Variants in SOX5 observed in about 807,000 individuals in gnomAD.
The protein encoded by SOX5 is SRY-box transcription factor 5, also known as transcription factor SOX-5.
A neutral mutation model predicts 92.0 loss-of-function variants in SOX5; 9 were observed. The observed-to-expected ratio is 0.10, with a 90% CI of 0.06 to 0.17. The LOEUF is 0.17. SOX5 is among the 10% of genes least tolerant of loss of function. The probability of loss-of-function intolerance (pLI) is 1.00; values close to 1 mark genes in which losing one functional copy is unlikely to be tolerated. For synonymous variants in SOX5, 344 were observed against 336.3 expected (o/e 1.02, Z -0.25); for missense variants, 642 against 944.5 (o/e 0.68, Z 4.20).
At chr12:24,205,182 G>C (rs1426966426) in intron 4 of SOX5, among the ~76,000 whole-genome samples, 1 of 152,128 alleles carries the variant, frequency 6.6e-6, no homozygotes, top group Non-Finnish European at 1.5e-5. Flanking sequence ...CAGTACTTAA[G>C]TTATCTGCTT....
intron 3 of SOX5, among the ~76,000 whole-genome samples, chr12:23,829,959 A>G (rs2096288621): frequency 6.6e-6 from 1 of 152,158 alleles, no homozygotes. Context: ...CAGCTCCAGG[A>G]CCTGCTATAT....
At chr12:24,343,030 T>G (rs1458673556) in intron 2 of SOX5, among the ~76,000 whole-genome samples, 2 of 152,116 alleles carry the variant, frequency 1.3e-5, no homozygotes, top group Non-Finnish European at 2.9e-5. Flanking sequence ...TTTAAACTAG[T>G]AGTAACTCCT....
At chr12:24,453,612 A>C (rs1942627630) in intron 1 of SOX5, among the ~76,000 whole-genome samples, 1 of 152,192 alleles carries the variant, frequency 6.6e-6, no homozygotes, top group African/African-American at 2.4e-5. Flanking sequence ...TAATTTCTCT[A>C]ACAGAAATGA....
chr12:24,452,816 T>G (rs1942507142), intron 1 of SOX5, among the ~76,000 whole-genome samples: 1 of 152,204 alleles, frequency 6.6e-6, no homozygotes, highest in African/African-American at 2.4e-5. Flanking sequence ...TTCTTTCTTT[T>G]GTTTTCAAAT....
At chr12:24,225,057 T>C (rs1961574069) in intron 3 of SOX5, among the ~76,000 whole-genome samples, 1 of 152,234 alleles carries the variant, frequency 6.6e-6, no homozygotes, top group African/African-American at 2.4e-5. Context: ...AAGAAATTAC[T>C]TAAGTGCTAG....
chr12:23,772,957 C>A (rs760151854), intron 3 of SOX5, among the ~76,000 whole-genome samples: 89 of 152,100 alleles, frequency 5.9e-4, no homozygotes, highest in Non-Finnish European at 1.3e-4. Flanking sequence ...TCGGTATCTG[C>A]AAGCATTTCC....
chr12:23,973,160 C>CTTTTTTT (rs60609193), intron 4 of SOX5, among the ~76,000 whole-genome samples: 10 of 111,980 alleles, frequency 8.9e-5, no homozygotes, highest in Non-Finnish European at 7.3e-5. Flanking sequence ...TAACTTTTTT[C>CTTTTTTT]TTTTTTTTTT....
At chr12:24,447,978 C>T (rs949026204) in intron 1 of SOX5, among the ~76,000 whole-genome samples, 1 of 152,144 alleles carries the variant, frequency 6.6e-6, no homozygotes, top group Non-Finnish European at 1.5e-5. Flanking sequence ...GTCATGAGTT[C>T]GAGACCAGCC....
intron 4 of SOX5, among the ~76,000 whole-genome samples, chr12:24,097,440 C>T (rs542818601): frequency 4.7e-4 from 71 of 151,602 alleles, no homozygotes; most frequent in Non-Finnish European, 8.7e-4. Flanking sequence ...AACAACTGCA[C>T]AATTCAAGGT....
At chr12:23,666,148 C>A (rs765054410) in intron 6 of SOX5, among the ~76,000 whole-genome samples, 1 of 151,098 alleles carries the variant, frequency 6.6e-6, no homozygotes, top group African/African-American at 2.4e-5. Context: ...GTAAGTAGTG[C>A]CAAAAGATAA....
chr12:24,249,305 T>C (rs73283085), intron 3 of SOX5, among the ~76,000 whole-genome samples: 4,443 of 152,300 alleles, frequency 0.029, 140 homozygotes, highest in African/African-American at 0.076. Context: ...CTTTAATTTG[T>C]AAGGTTGCTA....
At chr12:23,584,706 GA>G (rs1389380648) in intron 9 of SOX5, 6 of 746,676 alleles carry the variant, frequency 8.0e-6, no homozygotes, top group Non-Finnish European at 1.2e-5. Context: ...CTAAGGCACA[GA>G]ACCTTGGAGA....
At chr12:24,424,987 C>T (rs1966539737) in intron 1 of SOX5, among the ~76,000 whole-genome samples, 1 of 151,912 alleles carries the variant, frequency 6.6e-6, no homozygotes, top group African/African-American at 2.4e-5. Context: ...TGGCTGGTTA[C>T]CAGATTAACG....
chr12:24,406,921 A>T (rs533257140), intron 1 of SOX5, among the ~76,000 whole-genome samples: 1 of 152,200 alleles, frequency 6.6e-6, no homozygotes, highest in Non-Finnish European at 1.5e-5. Context: ...AGAAACCCCA[A>T]ATATGTTGGG....
chr12:24,147,988 T>TTCCATATGAACATTCCA (rs1951247519), intron 4 of SOX5, among the ~76,000 whole-genome samples: 1 of 152,194 alleles, frequency 6.6e-6, no homozygotes, highest in Admixed American at 6.5e-5. Context: ...ATTCCATAGA[T>TTCCATATGAACATTCCA]TATGAACAAT....
chr12:24,097,773 T>A (rs1222823643), intron 4 of SOX5, among the ~76,000 whole-genome samples: 1 of 152,164 alleles, frequency 6.6e-6, no homozygotes, highest in Non-Finnish European at 1.5e-5. Flanking sequence ...GATGTAGCTC[T>A]TCAAGCAAGG....
At chr12:23,949,066 A>G (rs1945106202) in intron 1 of SOX5, among the ~76,000 whole-genome samples, 1 of 152,150 alleles carries the variant, frequency 6.6e-6, no homozygotes, top group Non-Finnish European at 1.5e-5. Flanking sequence ...ACAAAAGGTC[A>G]TGTGCTTTAC....
intron 9 of SOX5, among the ~76,000 whole-genome samples, chr12:23,578,144 A>AAAAAAAAAAAAAAAAAAAAG (rs1432589481): frequency 9.6e-5 from 13 of 134,978 alleles, no homozygotes; most frequent in Non-Finnish European, 1.6e-4. Flanking sequence ...AAAAAAAAAA[A>AAAAAAAAAAAAAAAAAAAAG]AAAAAACTAT....
chr12:23,860,769 C>T (rs1399622462), intron 2 of SOX5, among the ~76,000 whole-genome samples: 3 of 152,058 alleles, frequency 2.0e-5, no homozygotes, highest in African/African-American at 7.2e-5. Context: ...CACTTCAGGT[C>T]ATAAGCTCTT....
Sources: allele counts gnomAD v4.1 joint callset (sites outside exome capture counted in the v4.1 genomes callset), GRCh38; gene constraint gnomAD v4.1.1; transcripts MANE v1.5; gene names NCBI Gene and HGNC (gene_info 2026-07-23, HGNC 2026-07-21).